Variants in CDCA7 observed in about 807,000 individuals in gnomAD.
The protein encoded by CDCA7 is cell division cycle-associated protein 7.
Under a neutral mutation model 54.0 loss-of-function variants are expected in CDCA7, and 28 were observed. The observed-to-expected ratio is 0.52, with a 90% CI of 0.38 to 0.71. The LOEUF (loss-of-function observed/expected upper bound fraction) is 0.71. Ranked by LOEUF, CDCA7 falls within the 30% of genes least tolerant of loss-of-function variation. The pLI, the probability that CDCA7 is intolerant of heterozygous loss-of-function variation, is 0.00. For missense variants in CDCA7, 484 were observed against 586.0 expected (o/e 0.83, Z 1.80); for synonymous variants, 180 against 208.2 (o/e 0.86, Z 1.16).
chr2:173,367,053 A>G, intron 8 of CDCA7, 97 bp from the exon 9 acceptor site: 1 of 1,482,850 alleles, frequency 6.7e-7, no homozygotes, highest in Non-Finnish European at 9.0e-7. Context: ...AATCATATAA[A>G]TTTTTAACCA....
chr2:173,361,690 G>A (rs767018807), intron 3 of CDCA7, among the ~76,000 whole-genome samples: 94 of 152,120 alleles, frequency 6.2e-4, no homozygotes, highest in Non-Finnish European at 1.1e-3. Context: ...GACCTCAGGT[G>A]ATCTGCCCAT....
chr2:173,363,259 C>A lies in CDCA7; in HGVS notation c.418C>A (p.Arg140Ser), dbSNP rs540443413. 1 of 1,614,100 alleles carries A rather than the reference C, an allele frequency of 6.2e-7. No homozygotes were observed. The highest frequency in any genetic ancestry group is 1.7e-5 in the Admixed American group (1 of 60,004). The change falls in exon 4 of 10, where the codon CGC (arginine) becomes AGC (serine). Residue 140 changes from arginine to serine, a missense_variant. By Grantham distance (110) the Arg-to-Ser change is moderately radical (BLOSUM62 -1). Transcript: ENST00000306721. Reference sequence around the variant, plus strand: ...GTCAGTTCGGGAAGGCTGTAGGACCCGCAGCCAGTGCAGGCACTCTGGACC... The same window carrying A: ...GTCAGTTCGGGAAGGCTGTAGGACCAGCAGCCAGTGCAGGCACTCTGGACC... ...LQSVREGCRT[R>S]SQCRHSGPLR...
In CDCA7 at chr2:173,366,271, G is replaced by A; in HGVS notation, c.1036-12G>A. On this transcript the variant is annotated splice_polypyrimidine_tract_variant and intron_variant, in intron 7 of 9. Coordinates refer to ENST00000306721, the MANE Select transcript of CDCA7 (RefSeq NM_031942.5). This position sits in a 1 kb window ranked among gnomAD's most constrained non-coding sequence, Gnocchi z 4.5. ...GTTTTTTTTGTTTTTTTTCTTAATG[G>A]CTTATTTGTAGGGCTCTACTTGTCA... The A allele has an allele frequency of 1.3e-6, 2 of 1,582,790 alleles. No homozygotes were observed. Among genetic ancestry groups the A allele is most frequent in the South Asian group, 2.3e-5 (2 of 86,356 alleles).
At chr2:173,356,593 C>T (rs1376391548) in intron 1 of CDCA7, among the ~76,000 whole-genome samples, 1 of 152,192 alleles carries the variant, frequency 6.6e-6, no homozygotes, top group Non-Finnish European at 1.5e-5. Context: ...TCACTGCAGC[C>T]TACCGGGCTC....
At position 173,366,120 on chromosome 2, in the gene CDCA7, T is replaced by G. The variant is rs988140963; in HGVS notation, c.1036-163T>G. Among the ~76,000 whole-genome samples the G allele has an allele frequency of 2.6e-5, 4 of 152,132 alleles. No homozygotes were observed. The highest frequency in any genetic ancestry group is 9.7e-5 in the African/African-American group (4 of 41,420). ...GGTTACAGGTGTGAGCCACTGCACC[T>G]GGTTGAGTTATTTTTCATACCCTGG... On this transcript the variant is annotated intron_variant, in intron 7 of 9. Transcript: ENST00000306721. The surrounding 1 kb of genome is among the most constrained non-coding windows in gnomAD (Gnocchi z 4.5).
At position 173,367,292 on chromosome 2, in the gene CDCA7, G is replaced by C. The variant is rs574539115; in HGVS notation, c.1322+6G>C. 6.2e-7 allele frequency: 1 copy of C among 1,613,966 alleles called. No homozygotes were observed. Among genetic ancestry groups the C allele is most frequent in the African/African-American group, 1.3e-5 (1 of 75,002 alleles). On this transcript the variant is annotated splice_donor_region_variant and intron_variant, in intron 9 of 9. Coordinates refer to ENST00000306721, the MANE Select transcript of CDCA7 (RefSeq NM_031942.5). ...GTGCATGCCTACTTGAAAAGGTAGT[G>C]GGTGTTTTTTTTTCCCTTCCACATC...
chr2:173,367,104 G>C (rs939042741), intron 8 of CDCA7, 46 bp from the exon 9 acceptor site: 2 of 1,534,156 alleles, frequency 1.3e-6, no homozygotes, highest in Non-Finnish European at 1.7e-6. Context: ...GTTGGTGGGG[G>C]AGGTAAGGTT....
rs781211250 is a variant in CDCA7, at chr2:173,359,339, T to G, written c.232T>G (p.Ser78Ala). Reference sequence around the variant, plus strand: ...TGATAATGAATCTTTCTGCGGCTTTTCAGAAAGTGAGGTGCAAGATGTATT... The same window carrying G: ...TGATAATGAATCTTTCTGCGGCTTTGCAGAAAGTGAGGTGCAAGATGTATT... ...DSDNESFCGF[S>A]ESEVQDVLDH... Residue 78 changes from serine to alanine, a missense_variant, in exon 3 of 10, where the codon TCA (serine) becomes GCA (alanine). Physicochemically the swap from Ser to Ala is moderately conservative, Grantham distance 99. This residue lies in a region of CDCA7 where 398 missense variants were observed against 447.4 expected (regional missense o/e 0.89). Coordinates refer to ENST00000306721, the MANE Select transcript of CDCA7 (RefSeq NM_031942.5). 18 of 1,614,084 alleles carry G rather than the reference T, an allele frequency of 1.1e-5. No individual in the cohort carries two copies. In the East Asian group the frequency reaches 3.8e-4, roughly 34 times the overall value.
intron 5 of CDCA7, chr2:173,364,446 C>T (rs1686679932): frequency 1.1e-5 from 2 of 178,190 alleles, no homozygotes; most frequent in Admixed American, 6.3e-5. Context: ...ACAGATATCC[C>T]TCTATTTTGC....
intron 1 of CDCA7, among the ~76,000 whole-genome samples, chr2:173,356,526 T>C (rs1482347771): frequency 6.6e-6 from 1 of 152,206 alleles, no homozygotes; most frequent in Non-Finnish European, 1.5e-5. Flanking sequence ...CTGAGATCCT[T>C]TTCAGCTCCC....
At position 173,363,262 on chromosome 2, in the gene CDCA7, A is replaced by C. The variant is rs780722425; in HGVS notation, c.421A>C (p.Ser141Arg). 2.5e-6 allele frequency: 4 copies of C among 1,614,064 alleles called. No individual in the cohort carries two copies. In the African/African-American group the frequency reaches 4.0e-5, roughly 16 times the overall value. The change falls in exon 4 of 10, where the codon AGC (serine) becomes CGC (arginine). Residue 141 changes from serine to arginine, a missense_variant. This residue lies in a region of CDCA7 where 398 missense variants were observed against 447.4 expected (regional missense o/e 0.89). Transcript: ENST00000306721. ...QSVREGCRTR[S>R]QCRHSGPLRV... The stretch of plus-strand genomic sequence containing the variant: ...AGTTCGGGAAGGCTGTAGGACCCGC[A>C]GCCAGTGCAGGCACTCTGGACCTCT...
Position 173,366,353 on chromosome 2 carries a change from G to C in CDCA7, c.1106G>C (p.Trp369Ser), listed in dbSNP as rs779751808. 2.5e-6 allele frequency: 4 copies of C among 1,614,038 alleles called. No homozygotes were observed. Among genetic ancestry groups the C allele is most frequent in the Non-Finnish European group, 2.5e-6 (3 of 1,180,016 alleles). Residue 369 changes from tryptophan to serine, a missense_variant, in exon 8 of 10, where the codon TGG becomes TCG. Transcript: ENST00000306721. The surrounding 1 kb of genome is among the most constrained non-coding windows in gnomAD (Gnocchi z 4.5). ...TKTNCRNPDC[W>S]GVRGQFCGPC... ...ACAAACTGCAGAAACCCAGACTGCTGGGGCGTTCGAGGCCAGTTCTGTGGC... is the reference window on the plus strand; with the variant it reads ...ACAAACTGCAGAAACCCAGACTGCTCGGGCGTTCGAGGCCAGTTCTGTGGC...
In CDCA7 at chr2:173,364,919, T is replaced by TGGA. The variant is rs754083976; in HGVS notation, c.837_839dup (p.Glu281dup). 11 of 1,608,760 alleles carry TGGA rather than the reference T, an allele frequency of 6.8e-6. No homozygotes were observed. The highest frequency in any genetic ancestry group is 6.7e-5 in the African/African-American group (5 of 74,500). ...CTCGGGTCCCTTGACGCTCTACCCA[T>TGGA]GGAGGAGGAGGAGGAAGAGGATAAG... On this transcript the variant is annotated inframe_insertion, in exon 6 of 10. Coordinates refer to ENST00000306721, the MANE Select transcript of CDCA7 (RefSeq NM_031942.5).
rs756719448 is a variant in CDCA7, at chr2:173,363,912, G to A, written c.699+17G>A. ...TCCGACTCAGTAAGTACCAGTTCTT[G>A]TTTATATACAGTAGTGTTTTGGGCA... is the stretch of plus-strand genomic sequence containing the variant. On this transcript the variant is annotated intron_variant, in intron 5 of 9. Transcript: ENST00000306721. The A allele has an allele frequency of 6.2e-7, 1 of 1,610,282 alleles. No individual in the cohort carries two copies.
chr2:173,357,199 C>A (rs577785154), intron 1 of CDCA7, among the ~76,000 whole-genome samples: 1 of 152,266 alleles, frequency 6.6e-6, no homozygotes, highest in South Asian at 2.1e-4. Flanking sequence ...AACCACTATC[C>A]TTTTTTTATA....
intron 3 of CDCA7, 63 bp from the exon 4 acceptor site, chr2:173,363,163 T>G: frequency 1.3e-6 from 2 of 1,486,774 alleles, no homozygotes; most frequent in Non-Finnish European, 9.3e-7. Context: ...AAAGGGACTT[T>G]GTAGTTATAC....
At chr2:173,358,082 C>A (rs1053706347) in intron 1 of CDCA7, among the ~76,000 whole-genome samples, 1 of 152,062 alleles carries the variant, frequency 6.6e-6, no homozygotes, top group Non-Finnish European at 1.5e-5. Context: ...CGCCTGTAAT[C>A]CCAGCTACTC....
chr2:173,360,813 G>A (rs1421377361), intron 3 of CDCA7, among the ~76,000 whole-genome samples: 1 of 151,822 alleles, frequency 6.6e-6, no homozygotes, highest in African/African-American at 2.4e-5. Context: ...AGTCTTTATG[G>A]GTGAAATTCT....
rs1419915477 is a variant in CDCA7 at position 173,363,568 on chromosome 2, A to G, written c.621+106A>G. ...TTATTTTTTTCTGTTACATGAATAA[A>G]AAGTTATTTTTGTTTACCTGTGAAG... On this transcript the variant is annotated intron_variant, in intron 4 of 9. Transcript: ENST00000306721. The G allele has an allele frequency of 6.7e-6, 8 of 1,185,268 alleles. No individual in the cohort carries two copies. The Admixed American group carries it at 1.3e-4, about 19-fold the overall frequency. 73.4% of individuals were successfully genotyped at this position (1,185,268 alleles called of 1,614,324 possible). A position where few individuals can be genotyped will look rare whatever the true frequency, so the allele number is the denominator to read the frequency against.
Sources: allele counts gnomAD v4.1 joint callset (sites outside exome capture counted in the v4.1 genomes callset), GRCh38; gene constraint gnomAD v4.1.1; regional missense constraint gnomAD v4.1.1; non-coding constraint Gnocchi (gnomAD v3.1); transcripts MANE v1.5; gene names NCBI Gene and HGNC (gene_info 2026-07-23, HGNC 2026-07-21).